The following GALNT17 variants were observed in gnomAD, a reference collection of about 807,000 sequenced individuals.
GALNT17 encodes polypeptide N-acetylgalactosaminyltransferase 17.
GALNT17 carries 29 observed loss-of-function variants against 63.7 expected under a neutral mutation model. That is an observed-to-expected ratio of 0.46 (90% confidence interval 0.34 to 0.62). The LOEUF (loss-of-function observed/expected upper bound fraction) is 0.62, where lower values mean the gene tolerates loss of function less well. Among genes scored for constraint, GALNT17 ranks in the 20% least tolerant of loss-of-function variants. The pLI is 0.01. For synonymous variants in GALNT17, 305 were observed against 318.3 expected, an observed-to-expected ratio of 0.96 and a Z score of 0.45; for missense variants, 603 against 799.6, an observed-to-expected ratio of 0.75 and a Z score of 2.97.
Position 71,330,271 on chromosome 7 carries a change from C to T in GALNT17, c.239-5279C>T, listed in dbSNP as rs191047507. ...CAAGTGATCCGCCCGCCTTGGCCTCCCAAAGTGCTGGGATTACAGGCATGA... is the reference window on the plus strand; with the variant it reads ...CAAGTGATCCGCCCGCCTTGGCCTCTCAAAGTGCTGGGATTACAGGCATGA... On this transcript the variant is annotated intron_variant, in intron 1 of 10. Transcript: ENST00000333538. Among the ~76,000 whole-genome samples the T allele has an allele frequency of 3.1e-4, 47 of 152,272 alleles. No individual in the cohort carries two copies. The East Asian group carries it at 8.9e-3, about 29-fold the overall frequency.
intron 5 of GALNT17, among the ~76,000 whole-genome samples, chr7:71,500,655 G>A (rs77442035): frequency 0.031 from 4,680 of 152,212 alleles, 232 homozygotes; most frequent in African/African-American, 0.11. Flanking sequence ...TCCTTTGCTG[G>A]CATCAGAACC....
intron 2 of GALNT17, among the ~76,000 whole-genome samples, chr7:71,369,310 G>A (rs1792573317): frequency 6.6e-6 from 1 of 152,190 alleles, no homozygotes; most frequent in Admixed American, 6.5e-5. Context: ...GGGATGCAAA[G>A]GGTAAGAGTC....
intron 1 of GALNT17, among the ~76,000 whole-genome samples, chr7:71,249,454 A>G (rs1231332072): frequency 6.6e-6 from 1 of 152,172 alleles, no homozygotes; most frequent in Non-Finnish European, 1.5e-5. Context: ...TTAATTATAA[A>G]TTATATGTGT....
intron 5 of GALNT17, among the ~76,000 whole-genome samples, chr7:71,559,811 G>A (rs896371809): frequency 6.6e-6 from 1 of 151,832 alleles, no homozygotes; most frequent in East Asian, 1.9e-4. Flanking sequence ...AGTGAGCCGA[G>A]ATTGCACTAC....
intron 6 of GALNT17, among the ~76,000 whole-genome samples, chr7:71,603,654 C>T (rs1219070339): frequency 6.6e-6 from 1 of 151,702 alleles, no homozygotes; most frequent in Non-Finnish European, 1.5e-5. Flanking sequence ...AGTGCATGCA[C>T]TAAGTACTAT....
chr7:71,232,361 T>TG (rs35511014), intron 1 of GALNT17, among the ~76,000 whole-genome samples: 1 of 151,972 alleles, frequency 6.6e-6, no homozygotes, highest in Non-Finnish European at 1.5e-5. Flanking sequence ...TCAGGGTCAG[T>TG]GGGGGTGGTG....
At chr7:71,553,965 G>A (rs1169934259) in intron 5 of GALNT17, among the ~76,000 whole-genome samples, 2 of 152,184 alleles carry the variant, frequency 1.3e-5, no homozygotes, top group Non-Finnish European at 2.9e-5. Flanking sequence ...TCTGGGCTGC[G>A]CCTGTCTTCT....
At chr7:71,362,183 C>A (rs543501162) in intron 2 of GALNT17, among the ~76,000 whole-genome samples, 45 of 152,218 alleles carry the variant, frequency 3.0e-4, no homozygotes, top group Middle Eastern at 6.8e-3. Flanking sequence ...GTCTCGAACC[C>A]CTGACCTCAA....
At chr7:71,149,557 T>G (rs1361096604) in intron 1 of GALNT17, among the ~76,000 whole-genome samples, 1 of 152,254 alleles carries the variant, frequency 6.6e-6, no homozygotes, top group African/African-American at 2.4e-5. Flanking sequence ...TTCACCCAGG[T>G]TAGTAGTCAC....
intron 1 of GALNT17, among the ~76,000 whole-genome samples, chr7:71,202,123 C>G (rs1431968672): frequency 6.6e-6 from 1 of 152,022 alleles, no homozygotes; most frequent in Non-Finnish European, 1.5e-5. Context: ...ATTTTTTTCT[C>G]TCGTTTTTTT....
intron 5 of GALNT17, among the ~76,000 whole-genome samples, chr7:71,422,377 C>A (rs1786682186): frequency 6.6e-6 from 1 of 152,232 alleles, no homozygotes; most frequent in Non-Finnish European, 1.5e-5. Flanking sequence ...AGGATTATCT[C>A]CCATCTTGAG....
At chr7:71,656,361 G>A (rs905478429) in intron 6 of GALNT17, among the ~76,000 whole-genome samples, 1 of 152,152 alleles carries the variant, frequency 6.6e-6, no homozygotes, top group Admixed American at 6.5e-5. Context: ...AGTTAACTAG[G>A]CAGATGGGGG....
chr7:71,410,484 G>T, intron 3 of GALNT17, among the ~76,000 whole-genome samples: 1 of 152,182 alleles, frequency 6.6e-6, no homozygotes, highest in East Asian at 1.9e-4. Flanking sequence ...GACCTCAGGT[G>T]ATCCACCCAC....
intron 9 of GALNT17, among the ~76,000 whole-genome samples, chr7:71,683,477 G>C (rs755634891): frequency 6.6e-6 from 1 of 152,174 alleles, no homozygotes; most frequent in Admixed American, 6.5e-5. Flanking sequence ...GACATCGCTA[G>C]CTTAATTAAT....
chr7:71,166,825 T>G (rs1788449306), intron 1 of GALNT17, among the ~76,000 whole-genome samples: 1 of 152,184 alleles, frequency 6.6e-6, no homozygotes, highest in Non-Finnish European at 1.5e-5. Context: ...TATGCTTTTT[T>G]TTTCCCCTAG....
chr7:71,398,970 C>A (rs940780784), intron 3 of GALNT17, among the ~76,000 whole-genome samples: 3 of 152,108 alleles, frequency 2.0e-5, no homozygotes, highest in Non-Finnish European at 1.5e-5. Flanking sequence ...TGGTGGCTCA[C>A]GCCTGTAATC....
rs187066673 is a variant in GALNT17 at position 71,305,263 on chromosome 7, G to A, written c.239-30287G>A. Among the ~76,000 whole-genome samples the A allele has an allele frequency of 8.5e-5, 13 of 152,124 alleles. No individual in the cohort carries two copies. In the East Asian group the frequency reaches 2.5e-3, roughly 29 times the overall value. ...CTAGTTTTTTGGGATAGTTTTTCCC[G>A]CCAGTACTCCCATTTGCAGAACTAG... On this transcript the variant is annotated intron_variant, in intron 1 of 10. Coordinates refer to ENST00000333538, the MANE Select transcript of GALNT17 (RefSeq NM_022479.3).
chr7:71,465,107 C>T (rs545487749), intron 5 of GALNT17, among the ~76,000 whole-genome samples: 46 of 152,162 alleles, frequency 3.0e-4, no homozygotes, highest in African/African-American at 1.0e-3. Flanking sequence ...TGACCAATGG[C>T]CACAGACATC....
chr7:71,160,215 A>G (rs1056451370), intron 1 of GALNT17, among the ~76,000 whole-genome samples: 44 of 152,326 alleles, frequency 2.9e-4, no homozygotes, highest in African/African-American at 9.4e-4. Flanking sequence ...TATCCTGTCA[A>G]CATTTTTATA....
Sources: gnomAD v4.1 joint callset for allele counts (sites outside exome capture counted in the v4.1 genomes callset) on GRCh38, gnomAD v4.1.1 for gene constraint, MANE v1.5 for transcripts, NCBI Gene and HGNC (gene_info 2026-07-23, HGNC 2026-07-21) for gene names.